Variants in CHD7 observed in about 807,000 individuals in gnomAD.
CHD7 encodes the protein ATP-dependent chromatin remodeler CHD7.
CHD7 carries 24 observed loss-of-function variants against 307.3 expected under a neutral mutation model. The ratio of observed to expected loss-of-function variants is 0.08; its 90% CI spans 0.06 to 0.11. The LOEUF is 0.11. Among genes scored for constraint, CHD7 ranks in the 10% least tolerant of loss-of-function variants. CHD7 has a pLI of 1.00. For synonymous variants in CHD7, 1,363 were observed against 1,349.9 expected (o/e 1.01, Z -0.21); for missense variants, 3,106 against 3,727.1 (o/e 0.83, Z 4.34).
In CHD7 at chr8:60,742,990, C is replaced by G; in HGVS notation, c.1558C>G (p.His520Asp). ...QLPTCPPLQP[H>D]PGLHHQSSPP... ...GCCAACCTGTCCTCCACTGCAGCCT[C>G]ACCCGGGCTTGCACCACCAGTCTTC... The change falls in exon 2 of 38, where the codon CAC becomes GAC. Residue 520 changes from histidine to aspartate, a missense_variant. Physicochemically the swap from His to Asp is moderately conservative, Grantham distance 81 (BLOSUM62 -1). Around this residue, in one of 10 missense-constraint regions of CHD7, gnomAD observed 998 missense variants for 1,004.5 expected, o/e 0.99. Coordinates refer to ENST00000423902, the MANE Select transcript of CHD7 (RefSeq NM_017780.4). The G allele has an allele frequency of 6.2e-7, 1 of 1,613,864 alleles. No individual in the cohort carries two copies. The highest frequency in any genetic ancestry group is 8.5e-7 in the Non-Finnish European group (1 of 1,179,860).
At chr8:60,854,637 G>A in intron 32 of CHD7, 114 bp downstream of exon 32, 1 of 869,866 alleles carries the variant, frequency 1.1e-6, no homozygotes, top group Non-Finnish European at 1.7e-6. Context: ...CACAGTATAT[G>A]AAGACTATAG....
Position 60,812,029 on chromosome 8 carries a change from A to G in CHD7, c.2498+3757A>G, listed in dbSNP as rs1294767361. Among the ~76,000 whole-genome samples the G allele has an allele frequency of 9.2e-5, 14 of 152,210 alleles. No homozygotes were observed. In the East Asian group the frequency reaches 1.7e-3, roughly 19 times the overall value. On this transcript the variant is annotated intron_variant, in intron 7 of 37. Transcript: ENST00000423902. ...CATGCTCAACTTTTAAGAGCTCTTT[A>G]TATATAAGGGATATTAGTTCTTTAT...
chr8:60,782,521 T>C (rs1455492500), intron 3 of CHD7, among the ~76,000 whole-genome samples: 3 of 152,226 alleles, frequency 2.0e-5, no homozygotes, highest in African/African-American at 7.2e-5. Flanking sequence ...TTTAAAAGTT[T>C]GGATCATAGC....
chr8:60,858,025 G>A (rs1805793352), intron 34 of CHD7, among the ~76,000 whole-genome samples: 1 of 152,250 alleles, frequency 6.6e-6, no homozygotes, highest in Admixed American at 6.5e-5. Flanking sequence ...GGAGGCCAAG[G>A]CAGGTGGATC....
chr8:60,833,322 T>A (rs1804604777), intron 15 of CHD7, among the ~76,000 whole-genome samples: 1 of 152,234 alleles, frequency 6.6e-6, no homozygotes, highest in South Asian at 2.1e-4. Flanking sequence ...ATTTCCAATT[T>A]TTAGGTTTTG....
chr8:60,719,434 G>GT (rs1461297609), intron 1 of CHD7, among the ~76,000 whole-genome samples: 1 of 152,002 alleles, frequency 6.6e-6, no homozygotes, highest in Non-Finnish European at 1.5e-5. Context: ...GGGGCTCAAA[G>GT]GTTTATAAAC....
At chr8:60,783,271 A>T (rs534122329) in intron 3 of CHD7, among the ~76,000 whole-genome samples, 15 of 152,358 alleles carry the variant, frequency 9.8e-5, no homozygotes, top group African/African-American at 3.1e-4. Context: ...CCTTTGGGGC[A>T]GATATTAAAA....
intron 4 of CHD7, 149 bp from the exon 5 acceptor site, chr8:60,800,239 A>G (rs1812234105): frequency 5.1e-6 from 3 of 586,794 alleles, no homozygotes; most frequent in Non-Finnish European, 5.6e-6. Flanking sequence ...TCACCATGTT[A>G]GCCAGGATGG....
intron 2 of CHD7, among the ~76,000 whole-genome samples, chr8:60,748,107 G>C (rs892483882): frequency 1.3e-5 from 2 of 152,200 alleles, no homozygotes; most frequent in African/African-American, 2.4e-5. Flanking sequence ...CAATCTTGCT[G>C]TGTGAGCAGG....
chr8:60,754,721 C>G (rs1483207), intron 2 of CHD7, among the ~76,000 whole-genome samples: 22,025 of 152,236 alleles, frequency 0.14, 2,051 homozygotes, highest in East Asian at 0.27. Flanking sequence ...GTGTTTCTTT[C>G]TAACTTCAAC....
intron 15 of CHD7, among the ~76,000 whole-genome samples, chr8:60,833,921 A>G (rs1363863358): frequency 1.3e-5 from 2 of 152,220 alleles, no homozygotes; most frequent in African/African-American, 4.8e-5. Flanking sequence ...CAAGACAATC[A>G]TATAGGAAAG....
chr8:60,730,638 A>G (rs2150560780), intron 1 of CHD7, among the ~76,000 whole-genome samples: 1 of 152,286 alleles, frequency 6.6e-6, no homozygotes, highest in East Asian at 1.9e-4. Context: ...AGGCGGGTGG[A>G]TCACGAGGTC....
In CHD7 at chr8:60,781,331, A is replaced by G. The variant is rs1373820202; in HGVS notation, c.1997A>G (p.Lys666Arg). The G allele has an allele frequency of 5.7e-6, 9 of 1,573,692 alleles. No homozygotes were observed. Among genetic ancestry groups the G allele is most frequent in the South Asian group, 1.2e-5 (1 of 84,746 alleles). Reference protein sequence around the residue: ...PKEPKEKKEPKEPKTPKAPKI... With the variant: ...PKEPKEKKEPREPKTPKAPKI... ...GAACCCAAGGAGAAAAAAGAGCCCA[A>G]GGAACCCAAGACCCCGAAAGCCCCT... The change falls in exon 3 of 38, where the codon AAG becomes AGG. Residue 666 changes from lysine to arginine, a missense_variant. Lys to Arg is a conservative substitution (Grantham distance 26). Around this residue, in one of 10 missense-constraint regions of CHD7, gnomAD observed 998 missense variants for 1,004.5 expected, o/e 0.99. Coordinates refer to ENST00000423902, the MANE Select transcript of CHD7 (RefSeq NM_017780.4).
intron 2 of CHD7, among the ~76,000 whole-genome samples, chr8:60,759,888 C>G (rs762140495): frequency 4.6e-5 from 7 of 152,190 alleles, no homozygotes; most frequent in Non-Finnish European, 8.8e-5. Flanking sequence ...ATTCATCCAT[C>G]TATTCATCGG....
intron 1 of CHD7, among the ~76,000 whole-genome samples, chr8:60,726,773 C>T (rs754421367): frequency 6.6e-6 from 1 of 152,158 alleles, no homozygotes; most frequent in African/African-American, 2.4e-5. Flanking sequence ...ACCACCACCC[C>T]CTGCATAACT....
At position 60,741,307 on chromosome 8, in the gene CHD7, A is replaced by C; in HGVS notation, c.-126A>C. On this transcript the variant is annotated 5_prime_UTR_variant, in exon 2 of 38. Coordinates refer to ENST00000423902, the MANE Select transcript of CHD7 (RefSeq NM_017780.4). Reference sequence around the variant, plus strand: ...ACACTGCAGGGTCCAAGAGAATTAAAGAAATATGGAATGACATGAAGAAGA... The same window carrying C: ...ACACTGCAGGGTCCAAGAGAATTAACGAAATATGGAATGACATGAAGAAGA... The C allele has an allele frequency of 1.3e-6, 1 of 741,018 alleles. No homozygotes were observed. The highest frequency in any genetic ancestry group is 2.2e-6 in the Non-Finnish European group (1 of 452,720). The allele number at this position is 741,018 out of a possible 1,614,324, so 45.9% of individuals were successfully genotyped here.
rs1586389389 is a variant in CHD7, at chr8:60,821,837, C to T, written c.2745C>T (p.Asp915=). The T allele has an allele frequency of 1.9e-6, 3 of 1,582,468 alleles. No individual in the cohort carries two copies. The highest frequency in any genetic ancestry group is 1.3e-5 in the African/African-American group (1 of 74,382). ...AGTGGTGTTCACTTCCTTATGAAGA[C>T]AGCACGTGGGAGCGGAGGCAGGACA... ...LVKWCSLPYE[D]STWERRQDID... Residue 915 remains aspartate, a synonymous_variant, in exon 10 of 38, where the codon GAC becomes GAT. Transcript: ENST00000423902.
chr8:60,788,106 T>A (rs1422617750), intron 3 of CHD7, among the ~76,000 whole-genome samples: 1 of 151,540 alleles, frequency 6.6e-6, no homozygotes, highest in African/African-American at 2.4e-5. Context: ...ACAGGTGTGA[T>A]CACTGCACCC....
At chr8:60,801,430 A>C in intron 5 of CHD7, 98 bp from the exon 6 acceptor site, 1 of 820,626 alleles carries the variant, frequency 1.2e-6, no homozygotes, top group Non-Finnish European at 2.0e-6. Flanking sequence ...GTGACTTAAA[A>C]GGTGTGGAGG....
Sources: allele counts gnomAD v4.1 joint callset (sites outside exome capture counted in the v4.1 genomes callset), GRCh38; gene constraint gnomAD v4.1.1; regional missense constraint gnomAD v4.1.1; transcripts MANE v1.5; gene names NCBI Gene and HGNC (gene_info 2026-07-23, HGNC 2026-07-21).